The following PTPRM variants were observed in gnomAD, a reference collection of about 807,000 sequenced individuals.
The protein encoded by PTPRM is receptor-type tyrosine-protein phosphatase mu.
Under a neutral mutation model 186.7 loss-of-function variants are expected in PTPRM, and 47 were observed. The observed-to-expected ratio is 0.25, with a 90% CI of 0.20 to 0.32. PTPRM has a LOEUF of 0.32. Ranked by LOEUF, PTPRM falls within the 10% of genes least tolerant of loss-of-function variation. The pLI is 1.00. For synonymous variants in PTPRM, 668 were observed against 674.9 expected (o/e 0.99, Z 0.16); for missense variants, 1,494 against 1,865.0 (o/e 0.80, Z 3.66).
chr18:8,395,620 C>T (rs2148606735), intron 32 of PTPRM, among the ~76,000 whole-genome samples: 1 of 152,280 alleles, frequency 6.6e-6, no homozygotes, highest in Non-Finnish European at 1.5e-5. Context: ...TTCCAAGAAG[C>T]ATGGCTGTTG....
At chr18:7,977,472 G>T (rs919848557) in intron 7 of PTPRM, among the ~76,000 whole-genome samples, 1 of 152,200 alleles carries the variant, frequency 6.6e-6, no homozygotes, top group Non-Finnish European at 1.5e-5. Flanking sequence ...GGCACCGATG[G>T]CCTTTGTTCT....
intron 7 of PTPRM, among the ~76,000 whole-genome samples, chr18:8,067,019 G>A (rs934874912): frequency 1.3e-5 from 2 of 152,182 alleles, no homozygotes; most frequent in Admixed American, 6.5e-5. Flanking sequence ...TCTTGGATAA[G>A]GAATACTGAA....
At chr18:8,056,048 G>A (rs1398470176) in intron 7 of PTPRM, among the ~76,000 whole-genome samples, 3 of 152,156 alleles carry the variant, frequency 2.0e-5, no homozygotes, top group African/African-American at 7.2e-5. Context: ...TTTCAAATGG[G>A]AGAGTCCTTG....
At chr18:7,703,333 C>T (rs2040006206) in intron 1 of PTPRM, among the ~76,000 whole-genome samples, 1 of 152,068 alleles carries the variant, frequency 6.6e-6, no homozygotes, top group African/African-American at 2.4e-5. Context: ...TTTTTTGTGT[C>T]CTCTCTCATT....
intron 19 of PTPRM, among the ~76,000 whole-genome samples, chr18:8,278,871 C>T (rs912247577): frequency 6.6e-6 from 1 of 152,122 alleles, no homozygotes; most frequent in African/African-American, 2.4e-5. Context: ...TATTTATGCA[C>T]ATAACACACA....
chr18:7,620,684 C>G (rs907048926), intron 1 of PTPRM, among the ~76,000 whole-genome samples: 7 of 152,122 alleles, frequency 4.6e-5, no homozygotes, highest in African/African-American at 1.4e-4. Flanking sequence ...TTGAGGCTCA[C>G]AGAAGGTAAG....
At chr18:7,824,362 C>T (rs896620247) in intron 2 of PTPRM, among the ~76,000 whole-genome samples, 4 of 152,070 alleles carry the variant, frequency 2.6e-5, no homozygotes, top group East Asian at 1.9e-4. Flanking sequence ...GAAACAACTC[C>T]GTGGGGTCTC....
intron 24 of PTPRM, among the ~76,000 whole-genome samples, chr18:8,375,432 T>C (rs1318211741): frequency 1.3e-5 from 2 of 152,188 alleles, no homozygotes; most frequent in African/African-American, 4.8e-5. Context: ...GGTAAAATAT[T>C]TACCCACATT....
At chr18:7,944,151 G>C (rs2052367869) in intron 5 of PTPRM, among the ~76,000 whole-genome samples, 2 of 152,042 alleles carry the variant, frequency 1.3e-5, no homozygotes, top group South Asian at 4.2e-4. Context: ...TTTCCACTGA[G>C]GCTGTGATTC....
chr18:7,835,259 C>T (rs2045987499), intron 2 of PTPRM, among the ~76,000 whole-genome samples: 1 of 150,502 alleles, frequency 6.6e-6, no homozygotes, highest in South Asian at 2.1e-4. Context: ...TGCTGTATCC[C>T]ATAGGTTTTA....
chr18:7,931,714 G>T (rs904402059), intron 5 of PTPRM, among the ~76,000 whole-genome samples: 5 of 152,150 alleles, frequency 3.3e-5, no homozygotes, highest in Non-Finnish European at 7.4e-5. Context: ...ATTTTTGTTT[G>T]CTGATGGGAA....
intron 1 of PTPRM, among the ~76,000 whole-genome samples, chr18:7,725,930 A>G (rs912329574): frequency 6.6e-6 from 1 of 152,206 alleles, no homozygotes; most frequent in Non-Finnish European, 1.5e-5. Context: ...CACTTAAGCC[A>G]TCCACAGACA....
At chr18:8,054,088 T>C (rs750184381) in intron 7 of PTPRM, among the ~76,000 whole-genome samples, 1 of 151,918 alleles carries the variant, frequency 6.6e-6, no homozygotes, top group Non-Finnish European at 1.5e-5. Flanking sequence ...TTTTTCTTGT[T>C]TCATTCTTAC....
intron 19 of PTPRM, among the ~76,000 whole-genome samples, chr18:8,288,114 C>T (rs2094977797): frequency 1.3e-5 from 2 of 152,162 alleles, no homozygotes; most frequent in South Asian, 4.1e-4. Context: ...CATAGAAACC[C>T]TTTGGTCCAG....
intron 6 of PTPRM, among the ~76,000 whole-genome samples, chr18:7,950,618 G>A (rs2052882068): frequency 6.6e-6 from 1 of 152,100 alleles, no homozygotes; most frequent in Non-Finnish European, 1.5e-5. Context: ...GGGCCATGAG[G>A]AAGATCAAAT....
intron 14 of PTPRM, among the ~76,000 whole-genome samples, chr18:8,178,415 C>T (rs972636099): frequency 1.3e-5 from 2 of 152,130 alleles, no homozygotes; most frequent in South Asian, 4.1e-4. Flanking sequence ...AAGCTTTAGT[C>T]TTGTTATACT....
intron 21 of PTPRM, among the ~76,000 whole-genome samples, chr18:8,318,285 C>CTTTTTT (rs140026832): frequency 6.7e-5 from 4 of 59,906 alleles, no homozygotes; most frequent in South Asian, 1.1e-3. Flanking sequence ...TTGTTTCCTT[C>CTTTTTT]TTTTTTTTTT....
chr18:7,567,637 C>T lies in PTPRM; in HGVS notation c.-182C>T. On this transcript the variant is annotated 5_prime_UTR_variant, in exon 1 of 33. Coordinates refer to ENST00000580170, the MANE Select transcript of PTPRM (RefSeq NM_001105244.2). The surrounding 1 kb of genome is among the most constrained non-coding windows in gnomAD (Gnocchi z 4.3). The stretch of plus-strand genomic sequence containing the variant: ...GGGAGGAGGACCCAGGACCCTGTGC[C>T]CGCGCCCCTGGAGCCGCTGGAGTTC... 1 of 522,478 alleles carries T rather than the reference C, an allele frequency of 1.9e-6. No homozygotes were observed. Among genetic ancestry groups the T allele is most frequent in the East Asian group, 3.6e-5 (1 of 28,048 alleles). The allele number at this position is 522,478 out of a possible 1,614,324, so 32.4% of individuals were successfully genotyped here.
intron 2 of PTPRM, among the ~76,000 whole-genome samples, chr18:7,841,139 T>C (rs962574290): frequency 1.3e-5 from 2 of 152,152 alleles, no homozygotes; most frequent in Non-Finnish European, 2.9e-5. Context: ...GATCATAATA[T>C]AGCCAAAAAT....
Sources: gnomAD v4.1 joint callset for allele counts (sites outside exome capture counted in the v4.1 genomes callset) on GRCh38, gnomAD v4.1.1 for gene constraint, Gnocchi (gnomAD v3.1) non-coding constraint, MANE v1.5 for transcripts, NCBI Gene and HGNC (gene_info 2026-07-23, HGNC 2026-07-21) for gene names.